ERN1: variants seen among roughly 807,000 people sequenced by gnomAD.
The protein encoded by ERN1 is endoplasmic reticulum to nucleus signaling 1, also known as serine/threonine-protein kinase/endoribonuclease IRE1.
A neutral mutation model predicts 113.1 loss-of-function variants in ERN1; 39 were observed. That is an observed-to-expected ratio of 0.34 (90% CI 0.27 to 0.45). ERN1 has a LOEUF of 0.45. ERN1 is among the 20% of genes least tolerant of loss of function. The pLI is 1.00. For missense variants in ERN1, 976 were observed against 1,274.8 expected (o/e 0.77, Z 3.57); for synonymous variants, 507 against 515.9 (o/e 0.98, Z 0.23).
At chr17:64,089,570 G>A (rs532097466) in intron 2 of ERN1, among the ~76,000 whole-genome samples, 32 of 152,182 alleles carry the variant, frequency 2.1e-4, no homozygotes, top group Admixed American at 5.2e-4. Flanking sequence ...CAAGCATTTC[G>A]GGTAAGGGAT....
At chr17:64,061,411 C>G (rs578060424) in intron 10 of ERN1, among the ~76,000 whole-genome samples, 9 of 152,312 alleles carry the variant, frequency 5.9e-5, no homozygotes, top group African/African-American at 1.9e-4. Context: ...CTCTGACTCA[C>G]GTCTCTTTCA....
At position 64,043,843 on chromosome 17, in the gene ERN1, T is replaced by C; in HGVS notation, c.*145A>G. The C allele has an allele frequency of 1.6e-6, 1 of 618,904 alleles. No individual in the cohort carries two copies. Among genetic ancestry groups the C allele is most frequent in the Non-Finnish European group, 2.8e-6 (1 of 351,212 alleles). The allele number at this position is 618,904 out of a possible 1,614,324, so 38.3% of individuals were successfully genotyped here. ...CCACTTCCTGGGGTCAGCACTGTCC[T>C]CTGTGGGCTGCAGAGCAGGCAGCTC... On this transcript the variant is annotated 3_prime_UTR_variant, in exon 22 of 22. Transcript: ENST00000433197.
chr17:64,044,169 A>C lies in ERN1; in HGVS notation c.2753T>G (p.Val918Gly). The stretch of plus-strand genomic sequence containing the variant: ...GGGGAGGGACCCCAGCGTCTCCCGC[A>C]CCTCTGCAGGCAGCTCCCGGTAGTG... ...KHHYRELPAE[V>G]RETLGSLPDD... The change falls in exon 22 of 22, where the codon GTG becomes GGG. Residue 918 changes from valine to glycine, a missense_variant. Transcript: ENST00000433197. This position sits in a 1 kb window ranked among gnomAD's most constrained non-coding sequence, Gnocchi z 4.1. 2 of 1,580,722 alleles carry C rather than the reference A, an allele frequency of 1.3e-6. No homozygotes were observed. Among genetic ancestry groups the C allele is most frequent in the Non-Finnish European group, 1.7e-6 (2 of 1,159,340 alleles).
chr17:64,118,623 C>T (rs1914872767), intron 1 of ERN1, among the ~76,000 whole-genome samples: 2 of 152,168 alleles, frequency 1.3e-5, no homozygotes, highest in African/African-American at 4.8e-5. Flanking sequence ...TGGATTTGGT[C>T]CAGCCCACTC....
rs554466875 is a variant in ERN1 at position 64,052,054 on chromosome 17, AT to A, written c.2253+725del. On this transcript the variant is annotated intron_variant, in intron 17 of 21. Transcript: ENST00000433197. ...TAACAAATGTTGAATCTAGGTGGAGATACACAGGTATTCATGTTAACATTCT... is the reference window on the plus strand; with the variant it reads ...TAACAAATGTTGAATCTAGGTGGAGAACACAGGTATTCATGTTAACATTCT... 3.1e-4 allele frequency among the ~76,000 whole-genome samples: 47 copies of A among 152,326 alleles called. No homozygotes were observed. In the South Asian group the frequency reaches 3.3e-3, roughly 11 times the overall value.
chr17:64,092,909 T>C (rs1371571441), intron 2 of ERN1, among the ~76,000 whole-genome samples: 1 of 152,228 alleles, frequency 6.6e-6, no homozygotes, highest in Non-Finnish European at 1.5e-5. Flanking sequence ...TTCAACTCTA[T>C]TCACTGGTGA....
intron 8 of ERN1, 122 bp from the exon 9 acceptor site, chr17:64,065,409 G>A (rs1011858938): frequency 1.5e-6 from 1 of 681,508 alleles, no homozygotes; most frequent in African/African-American, 1.8e-5. Flanking sequence ...CAGACATGGA[G>A]GAACGCAGTA....
chr17:64,125,482 T>G (rs1484133334), intron 1 of ERN1, among the ~76,000 whole-genome samples: 1 of 151,980 alleles, frequency 6.6e-6, no homozygotes, highest in East Asian at 1.9e-4. Flanking sequence ...AAGCTCAATG[T>G]TTTTTGTTTT....
intron 2 of ERN1, among the ~76,000 whole-genome samples, chr17:64,092,862 G>C (rs1914127340): frequency 6.6e-6 from 1 of 152,248 alleles, no homozygotes; most frequent in African/African-American, 2.4e-5. Context: ...AACATTCTCA[G>C]TTTGCATTTC....
intron 2 of ERN1, among the ~76,000 whole-genome samples, chr17:64,091,567 A>G (rs1212539449): frequency 6.6e-6 from 1 of 152,196 alleles, no homozygotes; most frequent in Non-Finnish European, 1.5e-5. Flanking sequence ...GAACCCAGAG[A>G]AAAAATGGGC....
intron 1 of ERN1, among the ~76,000 whole-genome samples, chr17:64,099,796 T>G (rs1332293928): frequency 6.6e-6 from 1 of 152,172 alleles, no homozygotes; most frequent in Non-Finnish European, 1.5e-5. Context: ...ATTCCTTTTC[T>G]GTGGTGGAGA....
chr17:64,109,455 C>T (rs1914615781), intron 1 of ERN1, among the ~76,000 whole-genome samples: 1 of 152,192 alleles, frequency 6.6e-6, no homozygotes, highest in Non-Finnish European at 1.5e-5. Context: ...AGATATCTGG[C>T]TTGACTGACT....
At chr17:64,120,478 G>C (rs1914927175) in intron 1 of ERN1, among the ~76,000 whole-genome samples, 1 of 152,074 alleles carries the variant, frequency 6.6e-6, no homozygotes, top group African/African-American at 2.4e-5. Context: ...TGACAGAGAG[G>C]GGGGAAATAA....
At chr17:64,047,792 T>G in intron 19 of ERN1, 66 bp downstream of exon 19, 1 of 1,431,714 alleles carries the variant, frequency 7.0e-7, no homozygotes, top group Non-Finnish European at 9.4e-7. Flanking sequence ...TTTGTCCTTT[T>G]CTGTATTTTC....
At chr17:64,129,881 C>A in intron 1 of ERN1, 95 bp downstream of exon 1, 1 of 1,186,640 alleles carries the variant, frequency 8.4e-7, no homozygotes, top group Non-Finnish European at 1.1e-6. Context: ...CGTCGCGCTC[C>A]CAGCTCGGAC....
rs778325600 is a variant in ERN1, at chr17:64,054,353, C to T, written c.1850G>A (p.Arg617Gln). The T allele has an allele frequency of 1.1e-5, 17 of 1,612,262 alleles. No individual in the cohort carries two copies. The highest frequency in any genetic ancestry group is 1.3e-5 in the Non-Finnish European group (15 of 1,179,140). ...CACGTTCGGGTGCTCATCCGATTCT[C>T]GCAACAGCTGGACCTCACGGTCTGC... ...SFADREVQLL[R>Q]ESDEHPNVIR... Residue 617 changes from arginine to glutamine, a missense_variant, in exon 15 of 22, where the codon CGA becomes CAA. Around this residue, in one of 5 missense-constraint regions of ERN1, gnomAD observed 297 missense variants for 457.8 expected, o/e 0.65. Coordinates refer to ENST00000433197, the MANE Select transcript of ERN1 (RefSeq NM_001433.5). The surrounding 1 kb of genome is among the most constrained non-coding windows in gnomAD (Gnocchi z 4.9).
At chr17:64,069,157 T>C (rs1052182752) in intron 6 of ERN1, among the ~76,000 whole-genome samples, 1 of 152,222 alleles carries the variant, frequency 6.6e-6, no homozygotes, top group Non-Finnish European at 1.5e-5. Context: ...TTGAGACCTC[T>C]GAAAGATTTT....
chr17:64,065,050 T>C (rs1360137404), intron 9 of ERN1, among the ~76,000 whole-genome samples, 159 bp downstream of exon 9: 1 of 152,224 alleles, frequency 6.6e-6, no homozygotes, highest in Non-Finnish European at 1.5e-5. Flanking sequence ...TATCTTTCTT[T>C]CAAAGTAGAA....
At chr17:64,072,781 A>G (rs1039122016) in intron 5 of ERN1, among the ~76,000 whole-genome samples, 9 of 152,262 alleles carry the variant, frequency 5.9e-5, no homozygotes, top group African/African-American at 2.2e-4. Context: ...AAGCATATGT[A>G]TCAATGGTAT....
Sources: allele counts gnomAD v4.1 joint callset (sites outside exome capture counted in the v4.1 genomes callset), GRCh38; gene constraint gnomAD v4.1.1; regional missense constraint gnomAD v4.1.1; non-coding constraint Gnocchi (gnomAD v3.1); transcripts MANE v1.5; gene names NCBI Gene and HGNC (gene_info 2026-07-23, HGNC 2026-07-21).